Variants in FBXO34 observed in about 807,000 individuals in gnomAD.
FBXO34 encodes the protein F-box protein 34, also known as F-box only protein 34.
In FBXO34, 12 loss-of-function variants were observed where a neutral mutation model predicts 24.5. The ratio of observed to expected loss-of-function variants is 0.49; its 90% CI spans 0.31 to 0.79. The LOEUF (loss-of-function observed/expected upper bound fraction) is 0.79, where lower values mean the gene tolerates loss of function less well. Among genes scored for constraint, FBXO34 ranks in the 30% least tolerant of loss-of-function variants. The pLI, the probability that FBXO34 is intolerant of heterozygous loss-of-function variation, is 0.04. For synonymous variants in FBXO34, 320 were observed against 311.9 expected (o/e 1.03, Z -0.27); for missense variants, 823 against 857.7 (o/e 0.96, Z 0.51).
intron 1 of FBXO34, among the ~76,000 whole-genome samples, chr14:55,336,306 G>C (rs1328219865): frequency 6.6e-6 from 1 of 152,102 alleles, no homozygotes; most frequent in African/African-American, 2.4e-5. Context: ...GTGTAGAATA[G>C]GGCAAGAACT....
At chr14:55,274,111 C>G (rs2139618667) in intron 1 of FBXO34, among the ~76,000 whole-genome samples, 1 of 152,198 alleles carries the variant, frequency 6.6e-6, no homozygotes, top group Non-Finnish European at 1.5e-5. Context: ...GCCAGGTGTG[C>G]TAGTATTAAT....
the FBXO34 span, among the ~76,000 whole-genome samples, chr14:55,422,024 G>A: frequency 6.6e-6 from 1 of 152,104 alleles, no homozygotes; most frequent in Non-Finnish European, 1.5e-5. Context: ...GGGGAAATTG[G>A]CCTTATTAGA....
the FBXO34 span, chr14:55,386,177 G>T: frequency 1.7e-6 from 2 of 1,206,056 alleles, no homozygotes; most frequent in Non-Finnish European, 2.3e-6. Context: ...ACAAACATGC[G>T]TGTTTTCCCT....
chr14:55,334,363 T>G (rs1418029759), intron 1 of FBXO34, among the ~76,000 whole-genome samples: 1 of 152,208 alleles, frequency 6.6e-6, no homozygotes, highest in East Asian at 1.9e-4. Context: ...TACTTACATG[T>G]ACAGGGCACT....
rs1883135009 is a variant in FBXO34, at chr14:55,321,550, C to G, written c.-10-28831C>G. On this transcript the variant is annotated intron_variant, in intron 1 of 1. Transcript: ENST00000313833. ...TAGCTGGGATTACAGCCAAATGCCA[C>G]CACCCCCGGCTAAGTTTCATATTTT... Among the ~76,000 whole-genome samples the G allele has an allele frequency of 2.0e-5, 3 of 152,160 alleles. No individual in the cohort carries two copies. The South Asian group carries it at 6.2e-4, about 32-fold the overall frequency.
intron 1 of FBXO34, among the ~76,000 whole-genome samples, chr14:55,336,486 T>C (rs1294694774): frequency 6.6e-6 from 1 of 152,194 alleles, no homozygotes; most frequent in East Asian, 1.9e-4. Flanking sequence ...ACACTGTATG[T>C]ACATAATGAA....
Position 55,320,140 on chromosome 14 carries a change from A to G in FBXO34, c.-10-30241A>G, listed in dbSNP as rs1168126882. On this transcript the variant is annotated intron_variant, in intron 1 of 1. Coordinates refer to ENST00000313833, the MANE Select transcript of FBXO34 (RefSeq NM_017943.4). ...CCATGCTTGCCATAATCTTTTCTCA[A>G]AGCAGACCTGCATCTACCTTGGCAT... 2.6e-5 allele frequency among the ~76,000 whole-genome samples: 4 copies of G among 152,210 alleles called. No individual in the cohort carries two copies. The South Asian group carries it at 8.3e-4, about 32-fold the overall frequency.
the FBXO34 span, among the ~76,000 whole-genome samples, chr14:55,390,119 G>A: frequency 5.3e-5 from 8 of 152,192 alleles, no homozygotes; most frequent in Admixed American, 4.6e-4. Context: ...TGCCTAGGCT[G>A]GAGTGCAATG....
chr14:55,401,188 T>C, the FBXO34 span, among the ~76,000 whole-genome samples: 5 of 152,186 alleles, frequency 3.3e-5, no homozygotes, highest in South Asian at 4.1e-4. Flanking sequence ...ATGAGAAAGT[T>C]TGAACAACTT....
rs144533912 is a variant in FBXO34 at position 55,276,868 on chromosome 14, A to G, written c.-11+5331A>G. On this transcript the variant is annotated intron_variant, in intron 1 of 1. Transcript: ENST00000313833. ...TGCATTCTTGGATGTGCTGGGAGTC[A>G]GCTTGCACAAGTAAAGTCCTTGAGG... Among the ~76,000 whole-genome samples the G allele has an allele frequency of 6.9e-3, 1,044 of 152,312 alleles. 4 individuals carry two copies. Among genetic ancestry groups the G allele is most frequent in the Non-Finnish European group, 0.01 (709 of 68,018 alleles).
the FBXO34 span, among the ~76,000 whole-genome samples, chr14:55,379,878 G>A: frequency 6.6e-6 from 1 of 152,188 alleles, no homozygotes; most frequent in African/African-American, 2.4e-5. Flanking sequence ...AGGCCACCAT[G>A]CCCAGCTAGT....
the FBXO34 span, among the ~76,000 whole-genome samples, chr14:55,425,518 G>T: frequency 6.6e-6 from 1 of 152,212 alleles, no homozygotes; most frequent in South Asian, 2.1e-4. Context: ...TCCCAATTAG[G>T]AATATACTTC....
chr14:55,440,532 G>A, the FBXO34 span: 3 of 1,604,948 alleles, frequency 1.9e-6, no homozygotes, highest in Non-Finnish European at 2.5e-6. Flanking sequence ...CTCCGGCCAG[G>A]GCGCAGAGGC....
At chr14:55,433,055 A>G in the FBXO34 span, among the ~76,000 whole-genome samples, 1 of 152,236 alleles carries the variant, frequency 6.6e-6, no homozygotes, top group Non-Finnish European at 1.5e-5. Flanking sequence ...TCACCTTAGA[A>G]ACAAGTTGTA....
At chr14:55,383,326 A>G in the FBXO34 span, among the ~76,000 whole-genome samples, 8 of 152,006 alleles carry the variant, frequency 5.3e-5, no homozygotes, top group East Asian at 1.5e-3. Context: ...TGAGGCAGGC[A>G]GATCACTTGA....
At chr14:55,285,828 T>C (rs1041565852) in intron 1 of FBXO34, among the ~76,000 whole-genome samples, 2 of 152,222 alleles carry the variant, frequency 1.3e-5, no homozygotes, top group African/African-American at 2.4e-5. Context: ...ATGATTTAAA[T>C]ACATGTTGGT....
At chr14:55,297,451 C>A (rs1882177864) in intron 1 of FBXO34, among the ~76,000 whole-genome samples, 1 of 152,010 alleles carries the variant, frequency 6.6e-6, no homozygotes, top group Admixed American at 6.6e-5. Flanking sequence ...ATAATATTAC[C>A]CACTTATTAG....
At chr14:55,370,707 T>C (rs1165645643), downstream of FBXO34, among the ~76,000 whole-genome samples, 1 of 151,944 alleles carries the variant, frequency 6.6e-6, no homozygotes, top group African/African-American at 2.4e-5. Context: ...AGTGGCGCCA[T>C]CTTGGCTCCT....
At chr14:55,364,192 A>C (rs1467334210), downstream of FBXO34, among the ~76,000 whole-genome samples, 1 of 151,314 alleles carries the variant, frequency 6.6e-6, no homozygotes, top group African/African-American at 2.4e-5. Context: ...CAGGTGATCC[A>C]CCTGCCTTGG....
Sources: gnomAD v4.1 joint callset for allele counts (sites outside exome capture counted in the v4.1 genomes callset) on GRCh38, gnomAD v4.1.1 for gene constraint, MANE v1.5 for transcripts, NCBI Gene and HGNC (gene_info 2026-07-23, HGNC 2026-07-21) for gene names.